Variants in CWC22 observed in about 807,000 individuals in gnomAD.
The protein encoded by CWC22 is CWC22 spliceosome associated protein.
A neutral mutation model predicts 117.2 loss-of-function variants in CWC22; 53 were observed. The observed-to-expected ratio is 0.45, with a 90% CI of 0.36 to 0.57. The LOEUF (loss-of-function observed/expected upper bound fraction) is 0.57, where lower values mean the gene tolerates loss of function less well. Ranked by LOEUF, CWC22 falls within the 20% of genes least tolerant of loss-of-function variation. The pLI is 0.00. For synonymous variants in CWC22, 360 were observed against 355.6 expected, an observed-to-expected ratio of 1.01 and a Z score of -0.14; for missense variants, 980 against 1,068.8, an observed-to-expected ratio of 0.92 and a Z score of 1.16.
intron 3 of CWC22, among the ~76,000 whole-genome samples, chr2:179,987,039 T>A (rs1452958585): frequency 6.6e-6 from 1 of 152,196 alleles, no homozygotes; most frequent in Non-Finnish European, 1.5e-5. Context: ...CTTACTTGTT[T>A]AGTGAATTAT....
intron 7 of CWC22, 40 bp from the exon 8 acceptor site, chr2:179,973,286 C>A: frequency 2.1e-6 from 3 of 1,446,154 alleles, no homozygotes; most frequent in Non-Finnish European, 1.9e-6. Flanking sequence ...TAAACTAAAC[C>A]CAATTTTCAT....
At chr2:179,978,110 A>G (rs1687195205) in intron 6 of CWC22, 80 bp downstream of exon 6, 10 of 1,289,660 alleles carry the variant, frequency 7.8e-6, no homozygotes, top group Admixed American at 6.6e-5. Context: ...ACAATAAATC[A>G]ATGATTATTG....
chr2:179,970,807 T>G lies in CWC22; in HGVS notation c.990A>C (p.Lys330Asn). 1 of 1,613,726 alleles carries G rather than the reference T, an allele frequency of 6.2e-7. No homozygotes were observed. The highest frequency in any genetic ancestry group is 1.1e-5 in the South Asian group (1 of 91,064). ...TCACTTCAATCATATATTGAACTCTTTTGTCAATTTCAGACTCATGCAGAA... is the reference window on the plus strand; with the variant it reads ...TCACTTCAATCATATATTGAACTCTGTTGTCAATTTCAGACTCATGCAGAA... ...RNILHESEIDKRVQYMIEVMF... is the reference protein window; with the variant it reads ...RNILHESEIDNRVQYMIEVMF... The change falls in exon 10 of 20, where the codon AAA becomes AAC. Residue 330 changes from lysine to asparagine, a missense_variant. By Grantham distance (94) the Lys-to-Asn change is moderately conservative. Coordinates refer to ENST00000410053, the MANE Select transcript of CWC22 (RefSeq NM_020943.3).
intron 19 of CWC22, among the ~76,000 whole-genome samples, chr2:179,949,668 G>A (rs1309810632): frequency 2.0e-5 from 3 of 151,854 alleles, no homozygotes; most frequent in African/African-American, 7.3e-5. Flanking sequence ...TCCACCTATA[G>A]GTACATACCC....
At position 179,945,541 on chromosome 2, in the gene CWC22, G is replaced by A; in HGVS notation, c.2315C>T (p.Ser772Leu). 6.2e-7 allele frequency: 1 copy of A among 1,613,208 alleles called. No individual in the cohort carries two copies. The highest frequency in any genetic ancestry group is 1.1e-5 in the South Asian group (1 of 91,054). ...RRSEKHRDQNSSGSNWRDPIT... is the reference protein window; with the variant it reads ...RRSEKHRDQNLSGSNWRDPIT... ...AGGATCTCTCCAATTTGAACCACTT[G>A]AATTTTGATCTCTGTGTTTTTCTGA... The change falls in exon 20 of 20, where the codon TCA becomes TTA. Residue 772 changes from serine to leucine, a missense_variant. Transcript: ENST00000410053.
intron 1 of CWC22, among the ~76,000 whole-genome samples, chr2:179,999,758 T>C (rs991918632): frequency 6.6e-6 from 1 of 152,152 alleles, no homozygotes; most frequent in Non-Finnish European, 1.5e-5. Flanking sequence ...GGCTTCTAAA[T>C]AGTAAAAACA....
intron 2 of CWC22, among the ~76,000 whole-genome samples, chr2:179,992,099 T>A (rs536206869): frequency 6.6e-6 from 1 of 152,210 alleles, no homozygotes; most frequent in Non-Finnish European, 1.5e-5. Context: ...GAAGGAACTT[T>A]AGGTGTGTAC....
intron 14 of CWC22, among the ~76,000 whole-genome samples, chr2:179,956,615 G>A (rs1008623082): frequency 2.0e-5 from 3 of 150,038 alleles, no homozygotes; most frequent in Admixed American, 2.0e-4. Context: ...TAAAAATAAA[G>A]ATAAGTCTCA....
chr2:179,993,391 A>T lies in CWC22; in HGVS notation c.-50T>A, dbSNP rs559472256. ...AATCAAAGATGCTTCAAACTGGTCC[A>T]AATAACAAGTACCCAATGCTCTGAA... is the stretch of plus-strand genomic sequence containing the variant. On this transcript the variant is annotated 5_prime_UTR_variant, in exon 2 of 20. Transcript: ENST00000410053. The T allele has an allele frequency of 4.4e-6, 6 of 1,358,300 alleles. No individual in the cohort carries two copies. Among genetic ancestry groups the T allele is most frequent in the South Asian group, 3.7e-5 (3 of 80,304 alleles). 84.1% of individuals were successfully genotyped at this position (1,358,300 alleles called of 1,614,324 possible).
chr2:180,000,758 C>G (rs549869527), intron 1 of CWC22, among the ~76,000 whole-genome samples: 2 of 151,896 alleles, frequency 1.3e-5, no homozygotes, highest in East Asian at 1.9e-4. Context: ...GTCTGCAACT[C>G]TGTGTGGAGA....
intron 11 of CWC22, among the ~76,000 whole-genome samples, chr2:179,969,805 T>G (rs1282285422): frequency 6.6e-6 from 1 of 152,144 alleles, no homozygotes; most frequent in Admixed American, 6.5e-5. Context: ...GCCTGAGTGT[T>G]AGCTTTAGGA....
chr2:179,986,278 C>T (rs778135651), intron 4 of CWC22, among the ~76,000 whole-genome samples: 4 of 152,194 alleles, frequency 2.6e-5, no homozygotes, highest in Non-Finnish European at 4.4e-5. Context: ...TCTGCCATTA[C>T]GCAGGAAAGT....
intron 6 of CWC22, among the ~76,000 whole-genome samples, chr2:179,974,263 T>C (rs1009152626): frequency 3.3e-5 from 5 of 152,210 alleles, no homozygotes; most frequent in African/African-American, 7.2e-5. Flanking sequence ...GGTTTAAATC[T>C]TTAAGTCTAA....
chr2:179,954,708 T>C (rs891474953), intron 15 of CWC22, among the ~76,000 whole-genome samples: 7 of 152,046 alleles, frequency 4.6e-5, no homozygotes, highest in African/African-American at 1.7e-4. Flanking sequence ...TTGTCGTCTA[T>C]TGGGAAATCA....
chr2:179,985,312 C>CA (rs1307151615), intron 4 of CWC22, among the ~76,000 whole-genome samples: 1 of 151,994 alleles, frequency 6.6e-6, no homozygotes, highest in Non-Finnish European at 1.5e-5. Context: ...AAATACTACC[C>CA]ATATAGTGAC....
rs1341485967 is a variant in CWC22, at chr2:179,945,619, T to C, written c.2237A>G (p.Glu746Gly). The change falls in exon 20 of 20, where the codon GAA becomes GGA. Residue 746 changes from glutamate (E) to glycine (G), a missense_variant. Glu to Gly is a moderately conservative substitution (Grantham distance 98). Coordinates refer to ENST00000410053, the MANE Select transcript of CWC22 (RefSeq NM_020943.3). ...NQQTNDRKQK[E>G]RRQEHGHQET... ...CTGGTGCCCGTGTTCTTGTCTTCTT[T>C]CTTTTTGTTTCCTATCATTTGTTTG... 6.2e-7 allele frequency: 1 copy of C among 1,613,212 alleles called. No individual in the cohort carries two copies. Among genetic ancestry groups the C allele is most frequent in the Middle Eastern group, 1.7e-4 (1 of 6,060 alleles).
chr2:179,950,986 C>T, intron 17 of CWC22, 60 bp from the exon 18 acceptor site: 4 of 1,063,450 alleles, frequency 3.8e-6, no homozygotes, highest in South Asian at 1.5e-5. Flanking sequence ...AAGGTAAAAT[C>T]CTTAGTCATT....
chr2:179,951,972 G>A (rs916328307), intron 17 of CWC22, among the ~76,000 whole-genome samples: 8 of 152,108 alleles, frequency 5.3e-5, no homozygotes, highest in African/African-American at 1.9e-4. Flanking sequence ...GATTTCAGTA[G>A]TGTCAATGGA....
intron 5 of CWC22, among the ~76,000 whole-genome samples, chr2:179,981,378 G>A (rs973831446): frequency 5.9e-5 from 9 of 151,996 alleles, no homozygotes; most frequent in African/African-American, 1.9e-4. Context: ...GTTTACAACA[G>A]GAAAAGTCAA....
Sources: allele counts gnomAD v4.1 joint callset (sites outside exome capture counted in the v4.1 genomes callset), GRCh38; gene constraint gnomAD v4.1.1; transcripts MANE v1.5; gene names NCBI Gene and HGNC (gene_info 2026-07-23, HGNC 2026-07-21).